STK24: variants seen among roughly 807,000 people sequenced by gnomAD.
STK24 encodes the protein serine/threonine kinase 24, also known as serine/threonine-protein kinase 24.
Under a neutral mutation model 55.6 loss-of-function variants are expected in STK24, and 21 were observed. The ratio of observed to expected loss-of-function variants is 0.38; its 90% CI spans 0.27 to 0.54. The LOEUF is 0.54. Ranked by LOEUF, STK24 falls within the 20% of genes least tolerant of loss-of-function variation. STK24 has a pLI of 0.79. For missense variants in STK24, 383 were observed against 538.4 expected, an observed-to-expected ratio of 0.71 and a Z score of 2.86; for synonymous variants, 200 against 215.2, an observed-to-expected ratio of 0.93 and a Z score of 0.62.
At chr13:98,476,604 C>T (rs142173178) in intron 3 of STK24, among the ~76,000 whole-genome samples, 11 of 152,328 alleles carry the variant, frequency 7.2e-5, no homozygotes, top group African/African-American at 2.2e-4. Flanking sequence ...GGACAGAGCC[C>T]GACAGTCCTT....
At position 98,448,632 on chromosome 13, in the gene STK24, A is replaced by G; in HGVS notation, c.*4541T>C. 1 of 308,976 alleles carries G rather than the reference A, an allele frequency of 3.2e-6. No homozygotes were observed. The highest frequency in any genetic ancestry group is 6.1e-6 in the Non-Finnish European group (1 of 165,174). 19.1% of individuals were successfully genotyped at this position (308,976 alleles called of 1,614,324 possible). A position where few individuals can be genotyped will look rare whatever the true frequency, so the allele number is the denominator to read the frequency against. On this transcript the variant is annotated 3_prime_UTR_variant, in exon 11 of 11. Coordinates refer to ENST00000539966, the MANE Select transcript of STK24 (RefSeq NM_001032296.4). Reference sequence around the variant, plus strand: ...TGCCCCTGAAAAACAGTACACACACATCCGTTCAACACAAGACAGGGCAAG... The same window carrying G: ...TGCCCCTGAAAAACAGTACACACACGTCCGTTCAACACAAGACAGGGCAAG...
At position 98,507,020 on chromosome 13, in the gene STK24, G is replaced by A. The variant is rs1357025115; in HGVS notation, c.273+12223C>T. ...TGTGAGCAGAGGCCTGAGTGCAAAG[G>A]ACGGTGCTGGCCGACACTAGGCCTC... On this transcript the variant is annotated intron_variant, in intron 2 of 10. Transcript: ENST00000539966. 3.9e-5 allele frequency among the ~76,000 whole-genome samples: 6 copies of A among 152,238 alleles called. No individual in the cohort carries two copies. In the East Asian group the frequency reaches 1.2e-3, roughly 29 times the overall value.
In STK24 at chr13:98,475,353, T is replaced by G; in HGVS notation, c.336A>C (p.Glu112Asp). ...LGGGSALDLL[E>D]PGPLDETQIA... ...TCTGGGTTTCATCTAATGGGCCAGG[T>G]TCTAACTAAGAAGAGAAAAAAATTC... Residue 112 changes from glutamate to aspartate, a missense_variant, in exon 4 of 11, where the codon GAA becomes GAC. Transcript: ENST00000539966. 6.3e-6 allele frequency: 10 copies of G among 1,596,062 alleles called. No homozygotes were observed. The highest frequency in any genetic ancestry group is 8.5e-6 in the Non-Finnish European group (10 of 1,174,312).
At chr13:98,517,024 T>C (rs1044805973) in intron 2 of STK24, among the ~76,000 whole-genome samples, 4 of 152,246 alleles carry the variant, frequency 2.6e-5, no homozygotes, top group African/African-American at 9.6e-5. Flanking sequence ...AAGCAGCCCA[T>C]TCCAGCATGC....
At chr13:98,476,321 TC>T (rs1199466282) in intron 3 of STK24, among the ~76,000 whole-genome samples, 8 of 146,022 alleles carry the variant, frequency 5.5e-5, no homozygotes, top group African/African-American at 1.7e-4. Flanking sequence ...CCACCAGTGC[TC>T]CCCGGAACCA....
chr13:98,530,016 G>A (rs1163814823), intron 1 of STK24, among the ~76,000 whole-genome samples: 1 of 152,200 alleles, frequency 6.6e-6, no homozygotes, highest in Non-Finnish European at 1.5e-5. Context: ...GCCGATGTTA[G>A]ACAAAAGGCC....
At chr13:98,461,392 C>T (rs545162330) in intron 8 of STK24, among the ~76,000 whole-genome samples, 4 of 152,318 alleles carry the variant, frequency 2.6e-5, no homozygotes, top group Admixed American at 6.5e-5. Context: ...CTTATAAGGT[C>T]CTTAAAACTC....
At chr13:98,532,262 C>A (rs1337432219) in intron 1 of STK24, among the ~76,000 whole-genome samples, 1 of 152,116 alleles carries the variant, frequency 6.6e-6, no homozygotes, top group Non-Finnish European at 1.5e-5. Context: ...GGAGGAGGCA[C>A]CTCCCGGCAC....
rs546085691 is a variant in STK24 at position 98,445,967 on chromosome 13, C to T, written c.*7206G>A. On this transcript the variant is annotated 3_prime_UTR_variant, in exon 11 of 11. Coordinates refer to ENST00000539966, the MANE Select transcript of STK24 (RefSeq NM_001032296.4). The stretch of plus-strand genomic sequence containing the variant: ...CCAAGTCTCCCCACACACGGGGGAG[C>T]GGGGGTGGGGCCCACATCCTTCAGT... 2.3e-5 allele frequency: 14 copies of T among 618,214 alleles called. No individual in the cohort carries two copies. The highest frequency in any genetic ancestry group is 2.0e-4 in the South Asian group (10 of 51,092). The allele number at this position is 618,214 out of a possible 1,614,324, so 38.3% of individuals were successfully genotyped here.
At position 98,449,088 on chromosome 13, in the gene STK24, T is replaced by C. The variant is rs1464027300; in HGVS notation, c.*4085A>G. 1 of 152,194 alleles carries C rather than the reference T, an allele frequency of 6.6e-6. No individual in the cohort carries two copies. Among genetic ancestry groups the C allele is most frequent in the East Asian group, 1.9e-4 (1 of 5,188 alleles). 9.4% of individuals were successfully genotyped at this position (152,194 alleles called of 1,614,324 possible). On this transcript the variant is annotated 3_prime_UTR_variant, in exon 11 of 11. Transcript: ENST00000539966. ...AGTGGTGTACACAATGGGAAGATAATAAGCCGTGGTGTTTTGCTGTCTGTC... is the reference window on the plus strand; with the variant it reads ...AGTGGTGTACACAATGGGAAGATAACAAGCCGTGGTGTTTTGCTGTCTGTC...
At chr13:98,453,236 C>A in intron 10 of STK24, 27 bp from the exon 11 acceptor site, 1 of 1,607,748 alleles carries the variant, frequency 6.2e-7, no homozygotes, top group South Asian at 1.1e-5. Flanking sequence ...AGAGAGAAGT[C>A]AACACATGTC....
At chr13:98,513,163 G>A (rs368251487) in intron 2 of STK24, among the ~76,000 whole-genome samples, 2 of 152,168 alleles carry the variant, frequency 1.3e-5, no homozygotes, top group African/African-American at 4.8e-5. Context: ...GTATGGACAC[G>A]CCCTTCTCAT....
At chr13:98,470,411 G>A (rs1332888586) in intron 5 of STK24, among the ~76,000 whole-genome samples, 6 of 152,216 alleles carry the variant, frequency 3.9e-5, no homozygotes, top group African/African-American at 1.2e-4. Flanking sequence ...GATTATAGGC[G>A]TGAGCCACTG....
chr13:98,486,741 A>C (rs979191103), intron 2 of STK24, among the ~76,000 whole-genome samples: 6 of 152,212 alleles, frequency 3.9e-5, no homozygotes, highest in Non-Finnish European at 8.8e-5. Context: ...GGACGCTGAC[A>C]AATCTGACAT....
At chr13:98,482,092 T>C (rs1209724142) in intron 3 of STK24, among the ~76,000 whole-genome samples, 173 bp downstream of exon 3, 3 of 147,736 alleles carry the variant, frequency 2.0e-5, no homozygotes, top group Non-Finnish European at 4.5e-5. Context: ...GGTAAACCAA[T>C]AATTTTTAGT....
At chr13:98,480,603 T>A (rs1206151310) in intron 3 of STK24, among the ~76,000 whole-genome samples, 1 of 152,268 alleles carries the variant, frequency 6.6e-6, no homozygotes, top group Non-Finnish European at 1.5e-5. Context: ...ATACCATTTT[T>A]ATCAATTATT....
chr13:98,572,569 A>T (rs1451320611), intron 1 of STK24, among the ~76,000 whole-genome samples: 1 of 152,180 alleles, frequency 6.6e-6, no homozygotes, highest in Non-Finnish European at 1.5e-5. Flanking sequence ...GGTGGAGCAG[A>T]GCACTTGAGA....
Position 98,489,753 on chromosome 13 carries a change from G to A in STK24, c.274-7432C>T, listed in dbSNP as rs886099048. On this transcript the variant is annotated intron_variant, in intron 2 of 10. Transcript: ENST00000539966. ...GAGAAGAGGAGGAAAAATCCTGTTC[G>A]CAGAGGGCAGCTAGGAATGAGAGGG... Among the ~76,000 whole-genome samples, 7 of 152,156 alleles carry A rather than the reference G, an allele frequency of 4.6e-5. No homozygotes were observed. In the East Asian group the frequency reaches 5.8e-4, roughly 13 times the overall value.
chr13:98,512,016 C>T (rs1403710784), intron 2 of STK24, among the ~76,000 whole-genome samples: 1 of 151,552 alleles, frequency 6.6e-6, no homozygotes, highest in Non-Finnish European at 1.5e-5. Flanking sequence ...TCCCAATTAG[C>T]TGTGACTACA....
Sources: gnomAD v4.1 joint callset for allele counts (sites outside exome capture counted in the v4.1 genomes callset) on GRCh38, gnomAD v4.1.1 for gene constraint, MANE v1.5 for transcripts, NCBI Gene and HGNC (gene_info 2026-07-23, HGNC 2026-07-21) for gene names.